Variants in SEL1L3 observed in about 807,000 individuals in gnomAD.
SEL1L3 encodes the protein SEL1L family member 3.
SEL1L3 carries 76 observed loss-of-function variants against 142.8 expected under a neutral mutation model. That is an observed-to-expected ratio of 0.53 (90% CI 0.44 to 0.64). The LOEUF is 0.64. Ranked by LOEUF, SEL1L3 falls within the 30% of genes least tolerant of loss-of-function variation. SEL1L3 has a pLI of 0.00. For missense variants in SEL1L3, 1,262 were observed against 1,381.7 expected (o/e 0.91, Z 1.37); for synonymous variants, 504 against 519.6 (o/e 0.97, Z 0.41).
chr4:25,743,174 A>G (rs770829089), downstream of SEL1L3, among the ~76,000 whole-genome samples: 35 of 152,244 alleles, frequency 2.3e-4, no homozygotes, highest in Non-Finnish European at 4.1e-4. Flanking sequence ...TCACATCATT[A>G]GAGTTTTTAG....
chr4:25,855,443 G>T (rs920498192), intron 1 of SEL1L3, among the ~76,000 whole-genome samples: 2 of 152,172 alleles, frequency 1.3e-5, no homozygotes, highest in Non-Finnish European at 2.9e-5. Flanking sequence ...TAAGAATTTA[G>T]TAAGTGTTTC....
chr4:25,764,752 A>C (rs768561138), intron 20 of SEL1L3, among the ~76,000 whole-genome samples: 2 of 152,130 alleles, frequency 1.3e-5, no homozygotes, highest in Non-Finnish European at 2.9e-5. Flanking sequence ...TGAACAGTTC[A>C]TTATCTTTGA....
chr4:25,802,783 G>T (rs182487079), intron 10 of SEL1L3, among the ~76,000 whole-genome samples: 1 of 151,990 alleles, frequency 6.6e-6, no homozygotes, highest in Non-Finnish European at 1.5e-5. Flanking sequence ...GGATTTCACC[G>T]TGTTAGCCAG....
At chr4:25,830,377 T>C (rs1319351394) in intron 5 of SEL1L3, among the ~76,000 whole-genome samples, 2 of 152,256 alleles carry the variant, frequency 1.3e-5, no homozygotes, top group African/African-American at 2.4e-5. Context: ...ATATCTACAA[T>C]GCAGTTTCCA....
chr4:25,753,034 G>C (rs903979010), intron 23 of SEL1L3, among the ~76,000 whole-genome samples: 2 of 152,236 alleles, frequency 1.3e-5, no homozygotes, highest in African/African-American at 4.8e-5. Context: ...GCACAGATAG[G>C]CTCCTTCCTT....
intron 20 of SEL1L3, among the ~76,000 whole-genome samples, chr4:25,764,712 C>T (rs1362862315): frequency 6.6e-6 from 1 of 152,116 alleles, no homozygotes; most frequent in Non-Finnish European, 1.5e-5. Flanking sequence ...AGGAGCTGGG[C>T]ATTTTGCTTA....
chr4:25,790,611 GA>G (rs1333834361), intron 11 of SEL1L3, 37 bp from the exon 12 acceptor site: 2 of 29,942 alleles, frequency 6.7e-5, no homozygotes, highest in African/African-American at 3.6e-4. Context: ...AGGAGGGAAA[GA>G]AGGAAGGAAG....
intron 9 of SEL1L3, 110 bp downstream of exon 9, chr4:25,818,028 A>T: frequency 8.9e-7 from 1 of 1,127,118 alleles, no homozygotes; most frequent in Non-Finnish European, 1.2e-6. Flanking sequence ...CTAAAACACT[A>T]GGGTTAAAAA....
In SEL1L3 at chr4:25,847,747, G is replaced by A. The variant is rs1577693112; in HGVS notation, c.280C>T (p.Arg94Cys). 3.7e-6 allele frequency: 6 copies of A among 1,613,486 alleles called. No individual in the cohort carries two copies. Among genetic ancestry groups the A allele is most frequent in the Middle Eastern group, 1.6e-4 (1 of 6,062 alleles). Residue 94 changes from arginine to cysteine, a missense_variant, in exon 2 of 24, where the codon CGC becomes TGC. Arg to Cys is a radical substitution (Grantham distance 180). Coordinates refer to ENST00000399878, the MANE Select transcript of SEL1L3 (RefSeq NM_015187.5). ...IYFTVFEGNVRNVSEVSVEYL... is the reference protein window; with the variant it reads ...IYFTVFEGNVCNVSEVSVEYL... ...TCAACCGAGACTTCAGAAACGTTGC[G>A]AACGTTTCCTTCAAAGACAGTAAAA...
chr4:25,833,247 T>C, intron 4 of SEL1L3, 137 bp from the exon 5 acceptor site: 1 of 709,264 alleles, frequency 1.4e-6, no homozygotes, highest in Non-Finnish European at 2.4e-6. Context: ...CACGCATTTA[T>C]AAATGCATTT....
chr4:25,757,456 C>CAAAAAAA lies in SEL1L3; in HGVS notation c.3259+77_3259+78insTTTTTTT, dbSNP rs1560277078. 1.3e-5 allele frequency: 7 copies of CAAAAAAA among 527,054 alleles called. No homozygotes were observed. In the Admixed American group the frequency reaches 2.0e-4, roughly 15 times the overall value. The allele number at this position is 527,054 out of a possible 1,614,324, so 32.6% of individuals were successfully genotyped here. ...GGGAAAACACAATTTTTCCAGTAGACCAAAAAAAAAAAAAAAAAAAAAAAT... is the reference window on the plus strand; with the variant it reads ...GGGAAAACACAATTTTTCCAGTAGACAAAAAAACAAAAAAAAAAAAAAAAAAAAAAAT... On this transcript the variant is annotated intron_variant, in intron 23 of 23. Transcript: ENST00000399878.
chr4:25,721,978 G>A, the SEL1L3 span, among the ~76,000 whole-genome samples: 6 of 152,160 alleles, frequency 3.9e-5, no homozygotes, highest in Non-Finnish European at 8.8e-5. Flanking sequence ...TTGTTCCTGG[G>A]GGTCTGCGAA....
At chr4:25,759,718 G>T (rs1718244756) in intron 20 of SEL1L3, 1 of 152,312 alleles carries the variant, frequency 6.6e-6, no homozygotes, top group African/African-American at 2.4e-5. Flanking sequence ...AATAAACACA[G>T]TTAGAGGGCC....
At chr4:25,738,604 A>G in the SEL1L3 span, among the ~76,000 whole-genome samples, 7 of 152,232 alleles carry the variant, frequency 4.6e-5, no homozygotes, top group African/African-American at 1.7e-4. Flanking sequence ...GGCTGACTGA[A>G]TACCAATAAA....
chr4:25,780,239 C>T (rs914496375), intron 15 of SEL1L3, among the ~76,000 whole-genome samples: 4 of 152,104 alleles, frequency 2.6e-5, no homozygotes, highest in African/African-American at 9.7e-5. Context: ...CAGTTTCAGC[C>T]CCTCCACTGA....
intron 20 of SEL1L3, among the ~76,000 whole-genome samples, chr4:25,764,113 A>G (rs986665234): frequency 1.3e-5 from 2 of 152,212 alleles, no homozygotes; most frequent in African/African-American, 2.4e-5. Flanking sequence ...CTTGCCCAAA[A>G]TGTATAACCT....
Position 25,765,190 on chromosome 4 carries a change from C to A in SEL1L3, c.2955+136G>T. On this transcript the variant is annotated intron_variant, in intron 20 of 23. Transcript: ENST00000399878. ...TTGTATTTTTGTAGAGATGGGGTTT[C>A]GCCATGTTGCTCAGGCTGGTCCCGA... 4 of 636,652 alleles carry A rather than the reference C, an allele frequency of 6.3e-6. No homozygotes were observed. The Admixed American group carries it at 1.1e-4, about 17-fold the overall frequency. The allele number at this position is 636,652 out of a possible 1,614,324, so 39.4% of individuals were successfully genotyped here.
At chr4:25,724,773 G>GAAAAAAAAAAAAAAT in the SEL1L3 span, among the ~76,000 whole-genome samples, 1 of 26,478 alleles carries the variant, frequency 3.8e-5, no homozygotes, top group Non-Finnish European at 7.9e-5. Flanking sequence ...AAAAAAAAAG[G>GAAAAAAAAAAAAAAT]AAAAGAAATT....
chr4:25,862,631 G>T (rs1717804544), intron 1 of SEL1L3, 44 bp downstream of exon 1: 3 of 1,131,354 alleles, frequency 2.7e-6, no homozygotes, highest in African/African-American at 3.3e-5. Context: ...GCGTCCCCGG[G>T]GCCCCGCGCG....
Sources: gnomAD v4.1 joint callset for allele counts (sites outside exome capture counted in the v4.1 genomes callset) on GRCh38, gnomAD v4.1.1 for gene constraint, MANE v1.5 for transcripts, NCBI Gene and HGNC (gene_info 2026-07-23, HGNC 2026-07-21) for gene names.